The following PIGN variants were observed in gnomAD, a reference collection of about 807,000 sequenced individuals.
PIGN encodes phosphatidylinositol glycan anchor biosynthesis class N.
In PIGN, 117 loss-of-function variants were observed where a neutral mutation model predicts 125.4. That is an observed-to-expected ratio of 0.93 (90% CI 0.80 to 1.09). The LOEUF is 1.09. Ranked by LOEUF, PIGN falls within the 50% of genes least tolerant of loss-of-function variation. PIGN has a pLI of 0.00. For synonymous variants in PIGN, 392 were observed against 377.8 expected (o/e 1.04, Z -0.44); for missense variants, 1,075 against 1,094.9 (o/e 0.98, Z 0.26).
At position 62,140,495 on chromosome 18, in the gene PIGN, C is replaced by A; in HGVS notation, c.964-16G>T. The A allele has an allele frequency of 6.9e-7, 1 of 1,457,564 alleles. No homozygotes were observed. The highest frequency in any genetic ancestry group is 1.2e-5 in the South Asian group (1 of 81,114). 90.3% of individuals were successfully genotyped at this position (1,457,564 alleles called of 1,614,324 possible). On this transcript the variant is annotated splice_polypyrimidine_tract_variant and intron_variant, in intron 11 of 30. Transcript: ENST00000640252. The stretch of plus-strand genomic sequence containing the variant: ...CAATATCAGCCTACAAATAAAAAAG[C>A]TCAATTCTAAGAAGTCTATGGACAT...
chr18:62,090,439 G>A (rs1246430802), intron 24 of PIGN, 37 bp downstream of exon 24: 7 of 1,212,122 alleles, frequency 5.8e-6, no homozygotes, highest in East Asian at 2.4e-5. Flanking sequence ...GAGACTAATA[G>A]TCTCAAATAA....
intron 23 of PIGN, among the ~76,000 whole-genome samples, chr18:62,093,701 G>A (rs1475579413): frequency 6.6e-6 from 1 of 151,934 alleles, no homozygotes; most frequent in Non-Finnish European, 1.5e-5. Context: ...AAGAATTTAG[G>A]ATTACTGCTG....
intron 23 of PIGN, among the ~76,000 whole-genome samples, chr18:62,025,359 GT>G (rs1262640068): frequency 1.3e-5 from 2 of 152,022 alleles, no homozygotes; most frequent in African/African-American, 2.4e-5. Context: ...GTTTCCTCTT[GT>G]TTTTTGGTCT....
chr18:62,096,001 AT>A, intron 22 of PIGN, 51 bp from the exon 23 acceptor site: 1 of 1,243,388 alleles, frequency 8.0e-7, no homozygotes, highest in Non-Finnish European at 1.2e-6. Flanking sequence ...CACAAAAAAA[AT>A]GTTAGCGTAG....
intron 14 of PIGN, among the ~76,000 whole-genome samples, chr18:62,130,214 G>A (rs2035681803): frequency 6.6e-6 from 1 of 152,090 alleles, no homozygotes; most frequent in East Asian, 1.9e-4. Context: ...GTGAAAGAAT[G>A]TATTTCTGTT....
chr18:62,087,049 C>T (rs72933902), intron 25 of PIGN, among the ~76,000 whole-genome samples: 25,722 of 151,912 alleles, frequency 0.17, 2,931 homozygotes, highest in Middle Eastern at 0.28. Flanking sequence ...ATGTGGTCCT[C>T]GAGGTCACGA....
rs543769078 is a variant in PIGN at position 62,136,794 on chromosome 18, GA to G, written c.1172+1448del. 538 of 340,748 alleles carry G rather than the reference GA, an allele frequency of 1.6e-3. 3 individuals are homozygous for G. Among genetic ancestry groups the G allele is most frequent in the African/African-American group, 0.01 (485 of 47,414 alleles). The allele number at this position is 340,748 out of a possible 1,614,324, so 21.1% of individuals were successfully genotyped here. ...AGCAAAATCCTTGCTAATTGAATGT[GA>G]ACCTCAAAGATGCAAGCCCACATAT... is the stretch of plus-strand genomic sequence containing the variant. On this transcript the variant is annotated intron_variant, in intron 14 of 30. Transcript: ENST00000640252.
In PIGN at chr18:62,044,266, A is replaced by C. The variant is rs562806825; in HGVS notation, c.*1590T>G. On this transcript the variant is annotated 3_prime_UTR_variant, in exon 31 of 31. Coordinates refer to ENST00000640252, the MANE Select transcript of PIGN (RefSeq NM_176787.5). The stretch of plus-strand genomic sequence containing the variant: ...AAATATTTATTAATTTCTCTTTATA[A>C]AAATTTGGGAAAAGATAAAAGGCAA... The C allele has an allele frequency of 6.6e-6, 1 of 152,350 alleles. No individual in the cohort carries two copies. Among genetic ancestry groups the C allele is most frequent in the South Asian group, 2.1e-4 (1 of 4,828 alleles). The allele number at this position is 152,350 out of a possible 1,614,324, so 9.4% of individuals were successfully genotyped here.
intron 28 of PIGN, among the ~76,000 whole-genome samples, chr18:62,079,234 C>T (rs565181433): frequency 6.6e-6 from 1 of 152,152 alleles, no homozygotes; most frequent in Non-Finnish European, 1.5e-5. Context: ...GAGAAGTCTC[C>T]CTGAATCACT....
At chr18:62,132,235 A>C (rs947709476) in intron 14 of PIGN, among the ~76,000 whole-genome samples, 1 of 152,196 alleles carries the variant, frequency 6.6e-6, no homozygotes, top group South Asian at 2.1e-4. Flanking sequence ...TGTGAAAAAA[A>C]CCCACTGGAC....
In PIGN at chr18:62,109,829, C is replaced by T; in HGVS notation, c.1574+5G>A. 1 of 1,596,844 alleles carries T rather than the reference C, an allele frequency of 6.3e-7. No homozygotes were observed. The highest frequency in any genetic ancestry group is 1.7e-4 in the Middle Eastern group (1 of 5,966). On this transcript the variant is annotated splice_donor_5th_base_variant and intron_variant, in intron 17 of 30. Transcript: ENST00000640252. ...AAAAACAAGGCAGCAAGATGCATTA[C>T]TTACTCTCTTAGAACCGCATACCAT...
At chr18:62,070,236 G>T (rs2032765607) in intron 30 of PIGN, 1 of 394,652 alleles carries the variant, frequency 2.5e-6, no homozygotes, top group East Asian at 3.6e-5. Flanking sequence ...CAGGCGCTCT[G>T]GTTTAAAGCC....
intron 22 of PIGN, among the ~76,000 whole-genome samples, 166 bp from the exon 23 acceptor site, chr18:62,096,116 A>C (rs2146213974): frequency 6.6e-6 from 1 of 152,100 alleles, no homozygotes; most frequent in South Asian, 2.1e-4. Flanking sequence ...CCAACATGAT[A>C]AAACCCCGTC....
Position 62,101,134 on chromosome 18 carries a change from C to T in PIGN, c.2018G>A (p.Ser673Asn), listed in dbSNP as rs766943103. Reference sequence around the variant, plus strand: ...AGGCAGTCCTTGCTTCCTGAGTAGACTACTCTGAGTGCTATACACAACATA... The same window carrying T: ...AGGCAGTCCTTGCTTCCTGAGTAGATTACTCTGAGTGCTATACACAACATA... ...SMYVVYSTQSSLLRKQGLPLM... is the reference protein window; with the variant it reads ...SMYVVYSTQSNLLRKQGLPLM... Residue 673 changes from serine (S) to asparagine (N), a missense_variant, in exon 22 of 31, where the codon AGT (serine) becomes AAT (asparagine). Around this residue, in one of 3 missense-constraint regions of PIGN, gnomAD observed 915 missense variants for 908.7 expected, o/e 1.01. Transcript: ENST00000640252. The T allele has an allele frequency of 6.2e-7, 1 of 1,612,074 alleles. No homozygotes were observed. Among genetic ancestry groups the T allele is most frequent in the Non-Finnish European group, 8.5e-7 (1 of 1,178,648 alleles).
chr18:62,111,203 T>C (rs1429172943), intron 16 of PIGN, among the ~76,000 whole-genome samples: 1 of 152,114 alleles, frequency 6.6e-6, no homozygotes, highest in Admixed American at 6.6e-5. Flanking sequence ...TCCCTCCATC[T>C]ATATTATGAG....
At chr18:62,154,475 G>A (rs1274716964) in intron 7 of PIGN, 70 bp downstream of exon 7, 8 of 749,670 alleles carry the variant, frequency 1.1e-5, no homozygotes, top group East Asian at 5.0e-5. Flanking sequence ...CAGAAAAAAC[G>A]TGGGATACAG....
At chr18:62,110,976 A>T (rs1016112948) in intron 16 of PIGN, among the ~76,000 whole-genome samples, 1 of 150,968 alleles carries the variant, frequency 6.6e-6, no homozygotes, top group African/African-American at 2.4e-5. Flanking sequence ...GCTGTAGTCC[A>T]GCATTTGAAG....
At chr18:62,130,086 C>T (rs2035677116) in intron 14 of PIGN, among the ~76,000 whole-genome samples, 1 of 152,134 alleles carries the variant, frequency 6.6e-6, no homozygotes, top group African/African-American at 2.4e-5. Flanking sequence ...TTGCAGCCCC[C>T]AGAAGCTAGG....
chr18:62,160,860 T>C (rs1432430627), intron 4 of PIGN, among the ~76,000 whole-genome samples: 2 of 152,220 alleles, frequency 1.3e-5, no homozygotes, highest in African/African-American at 4.8e-5. Flanking sequence ...TGAGCCAAGT[T>C]TGGGAAATTA....
Sources: gnomAD v4.1 joint callset for allele counts (sites outside exome capture counted in the v4.1 genomes callset) on GRCh38, gnomAD v4.1.1 for gene constraint, gnomAD v4.1.1 regional missense constraint, MANE v1.5 for transcripts, NCBI Gene and HGNC (gene_info 2026-07-23, HGNC 2026-07-21) for gene names.